The following NAT10 variants were observed in gnomAD, a reference collection of about 807,000 sequenced individuals.
NAT10 encodes the protein N-acetyltransferase 10.
A neutral mutation model predicts 132.2 loss-of-function variants in NAT10; 109 were observed. That is an observed-to-expected ratio of 0.82 (90% CI 0.71 to 0.97). NAT10 has a LOEUF of 0.97. Ranked by LOEUF, NAT10 falls within the 50% of genes least tolerant of loss-of-function variation. NAT10 has a pLI of 0.00. For missense variants in NAT10, 1,184 were observed against 1,263.4 expected (o/e 0.94, Z 0.95); for synonymous variants, 479 against 478.0 (o/e 1.00, Z -0.03).
chr11:34,146,548 T>G lies in NAT10; in HGVS notation c.*356T>G, dbSNP rs183206142. On this transcript the variant is annotated 3_prime_UTR_variant, in exon 29 of 29. Coordinates refer to ENST00000257829, the MANE Select transcript of NAT10 (RefSeq NM_024662.3). The stretch of plus-strand genomic sequence containing the variant: ...GAAGCCACGTTGCCTCTCGACCGCC[T>G]GAGGCCCTTAAGTACATCGCTTTCT... The G allele has an allele frequency of 5.4e-4, 93 of 173,058 alleles. No homozygotes were observed. The highest frequency in any genetic ancestry group is 7.2e-4 in the Non-Finnish European group (58 of 80,482). The allele number at this position is 173,058 out of a possible 1,614,324, so 10.7% of individuals were successfully genotyped here. A position where few individuals can be genotyped will look rare whatever the true frequency, so the allele number is the denominator to read the frequency against.
chr11:34,136,195 C>T (rs1590778789), intron 19 of NAT10, among the ~76,000 whole-genome samples: 2 of 152,004 alleles, frequency 1.3e-5, no homozygotes, highest in South Asian at 2.1e-4. Flanking sequence ...AATTTTCCTG[C>T]CTCAGCCACC....
chr11:34,141,274 C>T (rs1463229324), intron 25 of NAT10, 66 bp downstream of exon 25: 2 of 1,604,218 alleles, frequency 1.2e-6, no homozygotes, highest in Non-Finnish European at 8.5e-7. Flanking sequence ...ACTCCCTGCT[C>T]CCGAGATGAA....
intron 14 of NAT10, 70 bp downstream of exon 14, chr11:34,131,601 G>A: frequency 1.3e-6 from 2 of 1,485,340 alleles, no homozygotes; most frequent in Non-Finnish European, 9.1e-7. Context: ...AAGGACTTGA[G>A]TCCTTTGTTT....
chr11:34,145,616 A>T (rs1356624085), intron 28 of NAT10, among the ~76,000 whole-genome samples: 1 of 152,230 alleles, frequency 6.6e-6, no homozygotes, highest in African/African-American at 2.4e-5. Context: ...ATAAAATAAT[A>T]GTAGCACATC....
In NAT10 at chr11:34,139,486, G is replaced by T. The variant is rs1212307061; in HGVS notation, c.2410G>T (p.Ala804Ser). 6.2e-7 allele frequency: 1 copy of T among 1,613,818 alleles called. No individual in the cohort carries two copies. The highest frequency in any genetic ancestry group is 1.3e-5 in the African/African-American group (1 of 74,902). ...IIQNRNMGKPAQPALSREELE... is the reference protein window; with the variant it reads ...IIQNRNMGKPSQPALSREELE... ...TCAGAACAGGAACATGGGGAAGCCA[G>T]CCCAGCCTGGTGAGCCGGGTGGGGA... Residue 804 changes from alanine to serine, a missense_variant, in exon 23 of 29, where the codon GCC (alanine) becomes TCC (serine). Ala to Ser is a moderately conservative substitution (Grantham distance 99). Coordinates refer to ENST00000257829, the MANE Select transcript of NAT10 (RefSeq NM_024662.3).
chr11:34,135,553 T>A (rs1852194223), intron 19 of NAT10, among the ~76,000 whole-genome samples: 1 of 152,186 alleles, frequency 6.6e-6, no homozygotes, highest in Non-Finnish European at 1.5e-5. Context: ...AATCTGTAGT[T>A]TAACAAGATT....
intron 13 of NAT10, 23 bp from the exon 14 acceptor site, chr11:34,131,358 G>A: frequency 6.3e-7 from 1 of 1,586,492 alleles, no homozygotes; most frequent in East Asian, 2.3e-5. Context: ...TTCTTCTTTT[G>A]TGTGTGTGAT....
At chr11:34,145,021 ACAGAAGCC>A (rs1852413419) in intron 28 of NAT10, among the ~76,000 whole-genome samples, 1 of 152,220 alleles carries the variant, frequency 6.6e-6, no homozygotes, top group Non-Finnish European at 1.5e-5. Flanking sequence ...GTGGTGCAGC[ACAGAAGCC>A]CACTGTCAGT....
Position 34,124,353 on chromosome 11 carries a change from G to C in NAT10, c.1060G>C (p.Ala354Pro). Residue 354 changes from alanine to proline, a missense_variant, in exon 11 of 29, where the codon GCA becomes CCA. Ala to Pro is a conservative substitution (Grantham distance 27). Coordinates refer to ENST00000257829, the MANE Select transcript of NAT10 (RefSeq NM_024662.3). The stretch of plus-strand genomic sequence containing the variant: ...GTCTCTAAATCCTGAATTTAACAAA[G>C]CAGTGATCAGAGTGAATGTATTTCG... ...IQSLNPEFNK[A>P]VIRVNVFREH... 1 of 1,614,014 alleles carries C rather than the reference G, an allele frequency of 6.2e-7. No homozygotes were observed. The highest frequency in any genetic ancestry group is 8.5e-7 in the Non-Finnish European group (1 of 1,179,972).
At chr11:34,108,926 G>T (rs1017673207) in intron 3 of NAT10, 93 bp downstream of exon 3, 3 of 1,081,366 alleles carry the variant, frequency 2.8e-6, no homozygotes, top group Non-Finnish European at 4.0e-6. Context: ...TTTTTTAAGG[G>T]TCTTTAGTGG....
At chr11:34,115,271 TGA>T (rs948685572) in intron 5 of NAT10, among the ~76,000 whole-genome samples, 1 of 152,210 alleles carries the variant, frequency 6.6e-6, no homozygotes, top group African/African-American at 2.4e-5. Flanking sequence ...CTTAGATAGT[TGA>T]GAGTGAATGA....
At position 34,108,793 on chromosome 11, in the gene NAT10, T is replaced by C. The variant is rs776533696; in HGVS notation, c.160T>C (p.Ser54Pro). The change falls in exon 3 of 29, where the codon TCA (serine) becomes CCA (proline). Residue 54 changes from serine to proline, a missense_variant. Ser to Pro is a moderately conservative substitution (Grantham distance 74). Transcript: ENST00000257829. ...CAAAGCAACTGTGAAGGCTCGGCCT[T>C]CAGTGCTGTGGTGTTATAAGAAAGA... Reference protein sequence around the residue: ...LSKATVKARPSVLWCYKKELG... With the variant: ...LSKATVKARPPVLWCYKKELG... The C allele has an allele frequency of 5.6e-6, 9 of 1,613,928 alleles. No homozygotes were observed. The highest frequency in any genetic ancestry group is 6.8e-6 in the Non-Finnish European group (8 of 1,179,974).
Position 34,124,361 on chromosome 11 carries a change from C to A in NAT10, c.1068C>A (p.Ile356=). ...ATCCTGAATTTAACAAAGCAGTGAT[C>A]AGAGTGAATGTATTTCGAGAACACA... is the stretch of plus-strand genomic sequence containing the variant. The part of the protein sequence containing the change: ...SLNPEFNKAV[I]RVNVFREHRQ... The change falls in exon 11 of 29, where the codon ATC becomes ATA. Residue 356 remains isoleucine (I), a synonymous_variant. Transcript: ENST00000257829. The A allele has an allele frequency of 6.2e-7, 1 of 1,613,926 alleles. No individual in the cohort carries two copies. The highest frequency in any genetic ancestry group is 1.1e-5 in the South Asian group (1 of 91,048).
Position 34,123,783 on chromosome 11 carries a change from C to A in NAT10, c.936C>A (p.Thr312=). The A allele has an allele frequency of 6.2e-7, 1 of 1,607,888 alleles. No individual in the cohort carries two copies. The part of the protein sequence containing the change: ...VAFGYSNIFV[T]SPSPDNLHTL... ...GTAGGTACTCCAATATCTTTGTTACCTCCCCAAGCCCTGATAACCTCCATA... is the reference window on the plus strand; with the variant it reads ...GTAGGTACTCCAATATCTTTGTTACATCCCCAAGCCCTGATAACCTCCATA... The change falls in exon 10 of 29, where the codon ACC becomes ACA. Residue 312 remains threonine, a synonymous_variant. Coordinates refer to ENST00000257829, the MANE Select transcript of NAT10 (RefSeq NM_024662.3).
intron 28 of NAT10, among the ~76,000 whole-genome samples, chr11:34,145,479 C>G (rs977999541): frequency 6.6e-6 from 1 of 152,144 alleles, no homozygotes; most frequent in African/African-American, 2.4e-5. Flanking sequence ...CTGTAAGTTT[C>G]TTAATGGCAG....
chr11:34,111,267 G>A (rs1447406545), intron 3 of NAT10, among the ~76,000 whole-genome samples: 1 of 152,212 alleles, frequency 6.6e-6, no homozygotes, highest in Non-Finnish European at 1.5e-5. Flanking sequence ...ACGGGCTTAA[G>A]GCCTGAGCCA....
intron 12 of NAT10, among the ~76,000 whole-genome samples, chr11:34,130,041 A>G (rs1389080920): frequency 5.3e-5 from 8 of 151,488 alleles, no homozygotes; most frequent in Admixed American, 5.2e-4. Context: ...GAGTGGGCAT[A>G]AAACATCTAG....
intron 6 of NAT10, among the ~76,000 whole-genome samples, chr11:34,117,391 C>T (rs564920123): frequency 6.6e-6 from 1 of 152,234 alleles, no homozygotes; most frequent in Non-Finnish European, 1.5e-5. Context: ...GTGCCGTGGG[C>T]ATCCGGTGGG....
In NAT10 at chr11:34,128,236, C is replaced by T. The variant is rs187887506; in HGVS notation, c.1244+637C>T. On this transcript the variant is annotated intron_variant, in intron 12 of 28. Transcript: ENST00000257829. ...GGGTCTGGTGGCGCGTGCCTGTAATCCCAGCTACTCTGGAGGCTGAGGCAG... is the reference window on the plus strand; with the variant it reads ...GGGTCTGGTGGCGCGTGCCTGTAATTCCAGCTACTCTGGAGGCTGAGGCAG... Among the ~76,000 whole-genome samples the T allele has an allele frequency of 6.6e-5, 10 of 152,142 alleles. No homozygotes were observed. The East Asian group carries it at 1.9e-3, about 29-fold the overall frequency.
Sources: gnomAD v4.1 joint callset for allele counts (sites outside exome capture counted in the v4.1 genomes callset) on GRCh38, gnomAD v4.1.1 for gene constraint, MANE v1.5 for transcripts, NCBI Gene and HGNC (gene_info 2026-07-23, HGNC 2026-07-21) for gene names.